Variants in NKTR observed in about 807,000 individuals in gnomAD.
The protein encoded by NKTR is NK-tumor recognition protein.
In NKTR, 67 loss-of-function variants were observed where a neutral mutation model predicts 156.3. The observed-to-expected ratio is 0.43, with a 90% confidence interval of 0.35 to 0.53. The LOEUF (loss-of-function observed/expected upper bound fraction) is 0.53. Among genes scored for constraint, NKTR ranks in the 20% least tolerant of loss-of-function variants. The probability of loss-of-function intolerance (pLI) is 0.01; values close to 1 mark genes in which losing one functional copy is unlikely to be tolerated. For synonymous variants in NKTR, 640 were observed against 596.6 expected (o/e 1.07, Z -1.06); for missense variants, 1,604 against 1,730.9 (o/e 0.93, Z 1.30).
Position 42,637,783 on chromosome 3 carries a change from G to T in NKTR, c.2079G>T (p.Arg693Ser). Residue 693 changes from arginine (R) to serine (S), a missense_variant, in exon 13 of 17, where the codon AGG becomes AGT. Around this residue, in one of 6 missense-constraint regions of NKTR, gnomAD observed 1,255 missense variants for 1,243.7 expected, o/e 1.01. Transcript: ENST00000232978. ...DRSSESSPRS[R>S]SRSSRSRSYS... ...GTTCAGAAAGCTCACCAAGGTCAAGGAGCAGATCTTCTAGGAGTAGATCTT... is the reference window on the plus strand; with the variant it reads ...GTTCAGAAAGCTCACCAAGGTCAAGTAGCAGATCTTCTAGGAGTAGATCTT... 1 of 1,613,876 alleles carries T rather than the reference G, an allele frequency of 6.2e-7. No individual in the cohort carries two copies. Among genetic ancestry groups the T allele is most frequent in the Non-Finnish European group, 8.5e-7 (1 of 1,179,968 alleles).
chr3:42,603,544 A>C (rs1705832843), intron 2 of NKTR, among the ~76,000 whole-genome samples: 1 of 152,112 alleles, frequency 6.6e-6, no homozygotes, highest in Non-Finnish European at 1.5e-5. Flanking sequence ...ATCCAAGGCA[A>C]TTCATTGTGA....
chr3:42,622,146 A>T (rs1481714581), intron 6 of NKTR, among the ~76,000 whole-genome samples: 2 of 152,118 alleles, frequency 1.3e-5, no homozygotes, highest in Admixed American at 6.5e-5. Flanking sequence ...TAAGAATACT[A>T]AATTTGCTTT....
At chr3:42,624,063 C>T (rs541471780) in intron 6 of NKTR, among the ~76,000 whole-genome samples, 2 of 152,094 alleles carry the variant, frequency 1.3e-5, no homozygotes, top group African/African-American at 4.8e-5. Flanking sequence ...ACTTACACAT[C>T]TAAAAACTCC....
In NKTR at chr3:42,637,326, C is replaced by T; in HGVS notation, c.1622C>T (p.Ser541Phe). The change falls in exon 13 of 17, where the codon TCC (serine) becomes TTC (phenylalanine). Residue 541 changes from serine (S) to phenylalanine (F), a missense_variant. Around this residue, in one of 6 missense-constraint regions of NKTR, gnomAD observed 1,255 missense variants for 1,243.7 expected, o/e 1.01. Coordinates refer to ENST00000232978, the MANE Select transcript of NKTR (RefSeq NM_005385.4). ...GSSRSRTASK[S>F]SSHSRSRSKS... is the part of the protein sequence containing the mutation. ...TCAAGATCAAGGACTGCGTCAAAGT[C>T]CTCATCACATTCTCGAAGTAGATCA... 1 of 1,614,150 alleles carries T rather than the reference C, an allele frequency of 6.2e-7. No homozygotes were observed. The highest frequency in any genetic ancestry group is 8.5e-7 in the Non-Finnish European group (1 of 1,180,010).
At chr3:42,630,846 C>T (rs1422940768) in intron 7 of NKTR, 41 of 1,330,278 alleles carry the variant, frequency 3.1e-5, no homozygotes, top group Non-Finnish European at 3.7e-5. Flanking sequence ...CAAAATGGGT[C>T]GGATAGTAAG....
At chr3:42,622,305 T>C (rs1246213223) in intron 6 of NKTR, among the ~76,000 whole-genome samples, 1 of 152,114 alleles carries the variant, frequency 6.6e-6, no homozygotes, top group Admixed American at 6.5e-5. Context: ...ATCATAATTC[T>C]ATCATATAAA....
At chr3:42,615,865 G>T (rs1577460722) in intron 2 of NKTR, among the ~76,000 whole-genome samples, 2 of 151,768 alleles carry the variant, frequency 1.3e-5, no homozygotes, top group Admixed American at 1.3e-4. Flanking sequence ...ATATTATAGG[G>T]TTTTTTTTTA....
In NKTR at chr3:42,638,865, AT is replaced by A. The variant is rs1559589758; in HGVS notation, c.3162del (p.Asn1054LysfsTer3). The A allele has an allele frequency of 6.2e-7, 1 of 1,606,062 alleles. No individual in the cohort carries two copies. On this transcript the variant is annotated frameshift_variant, in exon 13 of 17. Coordinates refer to ENST00000232978, the MANE Select transcript of NKTR (RefSeq NM_005385.4). LOFTEE classifies it high-confidence loss of function. ...VSENNETIKD[N>X]ILKTEKSSEE... Reference sequence around the variant, plus strand: ...GAAAACAATGAAACCATAAAAGATAATATTCTAAAAACTGAGAAATCCAGTG... The same window carrying A: ...GAAAACAATGAAACCATAAAAGATAAATTCTAAAAACTGAGAAATCCAGTG...
At chr3:42,629,142 C>T (rs1708669961) in intron 6 of NKTR, 1 of 981,374 alleles carries the variant, frequency 1.0e-6, no homozygotes, top group Non-Finnish European at 1.2e-6. Context: ...TTGAAGTTAC[C>T]ATCCAAGGTG....
intron 6 of NKTR, among the ~76,000 whole-genome samples, chr3:42,622,189 T>C (rs563554016): frequency 6.6e-6 from 1 of 152,216 alleles, no homozygotes; most frequent in East Asian, 1.9e-4. Flanking sequence ...TGGATGTGCA[T>C]TGCACAACCA....
chr3:42,605,626 ACTCAC>A (rs1706160132), intron 2 of NKTR, among the ~76,000 whole-genome samples: 1 of 152,184 alleles, frequency 6.6e-6, no homozygotes, highest in Non-Finnish European at 1.5e-5. Context: ...TAAACTTTAG[ACTCAC>A]ATTCAAAATA....
At chr3:42,634,567 GCTT>G (rs1265089330) in intron 10 of NKTR, 43 bp from the exon 11 acceptor site, 3 of 1,089,120 alleles carry the variant, frequency 2.8e-6, no homozygotes, top group Non-Finnish European at 4.0e-6. Context: ...AAAAATTCTA[GCTT>G]CTTTGCTTAT....
chr3:42,637,266 C>G lies in NKTR; in HGVS notation c.1562C>G (p.Ser521Ter). ...CATTCCAGCAGAGACTCATACAGATCAAAATCTCACTCACAGTCTTATTCT... is the reference window on the plus strand; with the variant it reads ...CATTCCAGCAGAGACTCATACAGATGAAAATCTCACTCACAGTCTTATTCT... ...LTHSSRDSYRSKSHSQSYSRG... is the reference protein window; with the variant it reads ...LTHSSRDSYR The change falls in exon 13 of 17, where the codon TCA becomes TGA. Residue 521 changes from serine (S) to a stop codon, truncating the protein, a stop_gained. Coordinates refer to ENST00000232978, the MANE Select transcript of NKTR (RefSeq NM_005385.4). LOFTEE classifies it high-confidence loss of function. The G allele has an allele frequency of 6.2e-7, 1 of 1,613,556 alleles. No homozygotes were observed. Among genetic ancestry groups the G allele is most frequent in the Non-Finnish European group, 8.5e-7 (1 of 1,179,856 alleles).
intron 1 of NKTR, 93 bp from the exon 2 acceptor site, chr3:42,600,891 G>T: frequency 1.3e-6 from 1 of 746,124 alleles, no homozygotes; most frequent in Non-Finnish European, 1.9e-6. Context: ...GTGAGGCACC[G>T]TGGCGCGGAC....
intron 6 of NKTR, among the ~76,000 whole-genome samples, chr3:42,625,856 G>A (rs927499783): frequency 1.3e-5 from 2 of 152,010 alleles, no homozygotes; most frequent in Non-Finnish European, 2.9e-5. Flanking sequence ...TGTGACTTAC[G>A]TGCTAGCAAT....
chr3:42,640,026 T>G (rs917772975), intron 13 of NKTR, among the ~76,000 whole-genome samples: 1 of 152,192 alleles, frequency 6.6e-6, no homozygotes, highest in Non-Finnish European at 1.5e-5. Context: ...TCTCCATCTT[T>G]AAAGGTGTGA....
In NKTR at chr3:42,639,546, TAAGA is replaced by T; in HGVS notation, c.3847_3850del (p.Lys1283GlnfsTer4). ...CGGCCTGGGTCTCTCTTTGATGAAGTAAGAAAGACAGCACGCTTAAACCGTAGAC... is the reference window on the plus strand; with the variant it reads ...CGGCCTGGGTCTCTCTTTGATGAAGTAAGACAGCACGCTTAAACCGTAGAC... On this transcript the variant is annotated frameshift_variant, in exon 13 of 17. Transcript: ENST00000232978. LOFTEE classifies it high-confidence loss of function. 6.2e-7 allele frequency: 1 copy of T among 1,614,112 alleles called. No individual in the cohort carries two copies. Among genetic ancestry groups the T allele is most frequent in the Non-Finnish European group, 8.5e-7 (1 of 1,179,976 alleles).
At chr3:42,645,660 G>A (rs1440735988) in intron 16 of NKTR, among the ~76,000 whole-genome samples, 2 of 152,002 alleles carry the variant, frequency 1.3e-5, no homozygotes, top group East Asian at 3.9e-4. Flanking sequence ...CTCCAACCTG[G>A]GCAAAAAGAG....
chr3:42,638,554 A>G lies in NKTR; in HGVS notation c.2850A>G (p.Ser950=). The change falls in exon 13 of 17, where the codon TCA becomes TCG. Residue 950 remains serine (S), a synonymous_variant. Coordinates refer to ENST00000232978, the MANE Select transcript of NKTR (RefSeq NM_005385.4). ...SLPDDNGAWK[S]SKQRTSTSDS... The stretch of plus-strand genomic sequence containing the variant: ...CTGATGATAATGGTGCTTGGAAATC[A>G]AGCAAACAGCGCACATCAACTTCTG... 6.2e-7 allele frequency: 1 copy of G among 1,613,950 alleles called. No homozygotes were observed. The highest frequency in any genetic ancestry group is 8.5e-7 in the Non-Finnish European group (1 of 1,179,970).
Sources: allele counts gnomAD v4.1 joint callset (sites outside exome capture counted in the v4.1 genomes callset), GRCh38; gene constraint gnomAD v4.1.1; regional missense constraint gnomAD v4.1.1; transcripts MANE v1.5; gene names NCBI Gene and HGNC (gene_info 2026-07-23, HGNC 2026-07-21).